KCNIP4: variants seen among roughly 807,000 people sequenced by gnomAD.
KCNIP4 encodes the protein potassium voltage-gated channel interacting protein 4.
Under a neutral mutation model 34.0 loss-of-function variants are expected in KCNIP4, and 12 were observed. The observed-to-expected ratio is 0.35, with a 90% CI of 0.23 to 0.57. The LOEUF (loss-of-function observed/expected upper bound fraction) is 0.57. Among genes scored for constraint, KCNIP4 ranks in the 20% least tolerant of loss-of-function variants. The probability of loss-of-function intolerance (pLI) is 0.83; values close to 1 mark genes in which losing one functional copy is unlikely to be tolerated. For synonymous variants in KCNIP4, 124 were observed against 102.2 expected (o/e 1.21, Z -1.29); for missense variants, 238 against 311.7 (o/e 0.76, Z 1.78).
At chr4:20,763,802 C>A (rs924059355) in intron 3 of KCNIP4, among the ~76,000 whole-genome samples, 4 of 152,156 alleles carry the variant, frequency 2.6e-5, no homozygotes, top group Admixed American at 1.3e-4. Flanking sequence ...CACAAGCAAT[C>A]CTGCCTTGGC....
intron 1 of KCNIP4, among the ~76,000 whole-genome samples, chr4:21,579,740 T>C (rs1741062239): frequency 3.3e-5 from 5 of 152,226 alleles, no homozygotes; most frequent in Admixed American, 3.3e-4. Context: ...TTGAACACAA[T>C]GTAATTCTAG....
chr4:21,074,568 T>C (rs1745301134), intron 1 of KCNIP4, among the ~76,000 whole-genome samples: 1 of 152,198 alleles, frequency 6.6e-6, no homozygotes, highest in Admixed American at 6.5e-5. Context: ...ATTAACTTTG[T>C]TGATCTTTTC....
At chr4:21,572,241 A>T (rs1301646372) in intron 1 of KCNIP4, among the ~76,000 whole-genome samples, 1 of 152,184 alleles carries the variant, frequency 6.6e-6, no homozygotes, top group Admixed American at 6.5e-5. Flanking sequence ...CTGTGATGTG[A>T]TAGGACCAGT....
At chr4:21,072,530 A>G (rs1261941186) in intron 1 of KCNIP4, among the ~76,000 whole-genome samples, 1 of 151,474 alleles carries the variant, frequency 6.6e-6, no homozygotes, top group African/African-American at 2.4e-5. Context: ...AGTTCTTTGT[A>G]GATTCTGGAT....
rs576992076 is a variant in KCNIP4, at chr4:21,491,201, T to C, written c.61+457370A>G. On this transcript the variant is annotated intron_variant, in intron 1 of 8. Coordinates refer to ENST00000382152, the MANE Select transcript of KCNIP4 (RefSeq NM_025221.6). ...ACATCACAGGTACCCTTGCAGCAGG[T>C]ATGGTTTCGTGAATAAATAAATGAT... Among the ~76,000 whole-genome samples the C allele has an allele frequency of 5.3e-5, 8 of 151,988 alleles. No individual in the cohort carries two copies. The South Asian group carries it at 1.7e-3, about 32-fold the overall frequency.
chr4:21,771,689 A>G (rs1718800091), intron 1 of KCNIP4, among the ~76,000 whole-genome samples: 1 of 152,012 alleles, frequency 6.6e-6, no homozygotes, highest in Non-Finnish European at 1.5e-5. Context: ...CTTTGTAGTG[A>G]TTGTGAATGG....
chr4:21,357,319 A>G (rs558251176), intron 1 of KCNIP4, among the ~76,000 whole-genome samples: 69 of 152,310 alleles, frequency 4.5e-4, no homozygotes, highest in Non-Finnish European at 6.3e-4. Context: ...GACAAATGGG[A>G]TCTAATTAAA....
At chr4:21,145,818 A>G (rs991182233) in intron 1 of KCNIP4, among the ~76,000 whole-genome samples, 5 of 152,222 alleles carry the variant, frequency 3.3e-5, no homozygotes, top group Non-Finnish European at 7.3e-5. Flanking sequence ...ACAGGACCAG[A>G]AAAGAAGTAT....
intron 3 of KCNIP4, among the ~76,000 whole-genome samples, chr4:20,780,501 C>T (rs71607037): frequency 0.033 from 5,075 of 152,214 alleles, 188 homozygotes; most frequent in East Asian, 0.2. Flanking sequence ...TAACATGAGA[C>T]GCCCTGATTC....
At chr4:20,778,344 A>G (rs1325271056) in intron 3 of KCNIP4, among the ~76,000 whole-genome samples, 1 of 152,236 alleles carries the variant, frequency 6.6e-6, no homozygotes, top group East Asian at 1.9e-4. Flanking sequence ...TATTTGTAGA[A>G]CCTTAAATTC....
intron 3 of KCNIP4, among the ~76,000 whole-genome samples, chr4:20,841,556 G>A (rs913988465): frequency 7.9e-5 from 12 of 151,880 alleles, no homozygotes; most frequent in African/African-American, 2.4e-4. Context: ...AAAACATCAC[G>A]ACGTCCACTC....
chr4:20,851,790 T>C (rs62295368), intron 2 of KCNIP4, among the ~76,000 whole-genome samples: 57,417 of 152,132 alleles, frequency 0.38, 11,290 homozygotes, highest in Admixed American at 0.46. Context: ...TTATAAACAA[T>C]GGAATTGTCA....
At chr4:20,767,363 G>A (rs1296781416) in intron 3 of KCNIP4, 2 of 152,002 alleles carry the variant, frequency 1.3e-5, no homozygotes, top group Non-Finnish European at 2.9e-5. Context: ...ATAAATGTCA[G>A]TAGAAACCCA....
chr4:21,186,171 C>T (rs1261295465), intron 1 of KCNIP4, among the ~76,000 whole-genome samples: 1 of 152,166 alleles, frequency 6.6e-6, no homozygotes, highest in Non-Finnish European at 1.5e-5. Context: ...TCCTTTTCCT[C>T]TGAGTATAAT....
intron 1 of KCNIP4, among the ~76,000 whole-genome samples, chr4:20,922,217 G>C (rs183339707): frequency 6.4e-4 from 97 of 152,290 alleles, no homozygotes; most frequent in Admixed American, 1.3e-3. Context: ...GGGTATATCT[G>C]TGAGGGTGTT....
chr4:21,736,341 C>A (rs976657712), intron 1 of KCNIP4, among the ~76,000 whole-genome samples: 1 of 152,182 alleles, frequency 6.6e-6, no homozygotes, highest in Non-Finnish European at 1.5e-5. Context: ...CAGCATCCTT[C>A]CATCTGTCCT....
chr4:20,820,724 G>A (rs1315584039), intron 3 of KCNIP4, among the ~76,000 whole-genome samples: 1 of 152,166 alleles, frequency 6.6e-6, no homozygotes, highest in East Asian at 1.9e-4. Flanking sequence ...GGCCTTGAGA[G>A]CAGAATGGGT....
chr4:21,528,312 T>C (rs1006055730), intron 1 of KCNIP4, among the ~76,000 whole-genome samples: 1 of 152,112 alleles, frequency 6.6e-6, no homozygotes, highest in African/African-American at 2.4e-5. Context: ...GATTGTACAA[T>C]GCTTGACCAG....
intron 1 of KCNIP4, among the ~76,000 whole-genome samples, chr4:21,477,993 A>C (rs539570142): frequency 6.6e-6 from 1 of 152,178 alleles, no homozygotes; most frequent in Non-Finnish European, 1.5e-5. Context: ...TCTTCAATGT[A>C]TCTAGCCTGT....
Sources: allele counts gnomAD v4.1 joint callset (sites outside exome capture counted in the v4.1 genomes callset), GRCh38; gene constraint gnomAD v4.1.1; transcripts MANE v1.5; gene names NCBI Gene and HGNC (gene_info 2026-07-23, HGNC 2026-07-21).